ADGRL1: variants seen among roughly 807,000 people sequenced by gnomAD.
The protein encoded by ADGRL1 is CIRL-1.
A neutral mutation model predicts 148.9 loss-of-function variants in ADGRL1; 31 were observed. The observed-to-expected ratio is 0.21, with a 90% CI of 0.16 to 0.28. The LOEUF is 0.28. Among genes scored for constraint, ADGRL1 ranks in the 10% least tolerant of loss-of-function variants. ADGRL1 has a pLI of 1.00. For synonymous variants in ADGRL1, 937 were observed against 900.3 expected, an observed-to-expected ratio of 1.04 and a Z score of -0.73; for missense variants, 1,521 against 2,058.8, an observed-to-expected ratio of 0.74 and a Z score of 5.05.
At chr19:14,189,578 A>G (rs1475294135) in intron 1 of ADGRL1, among the ~76,000 whole-genome samples, 2 of 152,092 alleles carry the variant, frequency 1.3e-5, no homozygotes. Context: ...TCCAAGGCTC[A>G]CCTACGTTCT....
intron 1 of ADGRL1, among the ~76,000 whole-genome samples, chr19:14,188,610 G>T (rs1202704256): frequency 6.6e-6 from 1 of 152,168 alleles, no homozygotes; most frequent in Non-Finnish European, 1.5e-5. Flanking sequence ...CAGTTCAAGA[G>T]TAAGTCTTTG....
intron 4 of ADGRL1, chr19:14,169,142 A>AGGGCGC (rs1970252480): frequency 6.6e-6 from 1 of 152,262 alleles, no homozygotes; most frequent in Non-Finnish European, 1.5e-5. Context: ...TGAACCAGGC[A>AGGGCGC]TGGGTCTGGG....
chr19:14,176,427 C>G (rs537665341), intron 3 of ADGRL1, among the ~76,000 whole-genome samples: 145 of 152,168 alleles, frequency 9.5e-4, no homozygotes, highest in Non-Finnish European at 1.9e-3. Context: ...CAGACACACT[C>G]CAAGTTACAG....
rs1343047885 is a variant in ADGRL1, at chr19:14,163,276, G to T, written c.525C>A (p.Ile175=). ...AGDRIYVMPW[I]PYRTDTLTEY... is the part of the protein sequence containing the mutation. ...CAGTCAGTGTGTCCGTGCGGTAGGG[G>T]ATCCAGGGCATCACGTAGATGCGGT... Residue 175 remains isoleucine, a synonymous_variant, in exon 5 of 23, where the codon ATC becomes ATA. Coordinates refer to ENST00000361434, the MANE Select transcript of ADGRL1 (RefSeq NM_014921.5). The T allele has an allele frequency of 6.2e-7, 1 of 1,613,794 alleles. No homozygotes were observed. Among genetic ancestry groups the T allele is most frequent in the Non-Finnish European group, 8.5e-7 (1 of 1,180,042 alleles).
intron 3 of ADGRL1, among the ~76,000 whole-genome samples, chr19:14,172,784 C>T (rs550357501): frequency 1.3e-5 from 2 of 152,180 alleles, no homozygotes; most frequent in South Asian, 2.1e-4. Context: ...CTGTATGGGG[C>T]GTGTCCATGC....
rs1408540878 is a variant in ADGRL1 at position 14,152,218 on chromosome 19, C to T, written c.3650-68G>A. 2 of 1,614,090 alleles carry T rather than the reference C, an allele frequency of 1.2e-6. No individual in the cohort carries two copies. The highest frequency in any genetic ancestry group is 1.1e-5 in the South Asian group (1 of 91,086). Reference sequence around the variant, plus strand: ...GAGCTCGAAATGCAAGTCCAGGCTCCAGTTCTGGGGCACAGAACATCCCAT... The same window carrying T: ...GAGCTCGAAATGCAAGTCCAGGCTCTAGTTCTGGGGCACAGAACATCCCAT... On this transcript the variant is annotated intron_variant, in intron 21 of 22. Coordinates refer to ENST00000361434, the MANE Select transcript of ADGRL1 (RefSeq NM_014921.5). The surrounding 1 kb of genome is among the most constrained non-coding windows in gnomAD (Gnocchi z 6.1).
intron 1 of ADGRL1, among the ~76,000 whole-genome samples, chr19:14,186,619 G>T (rs557831802): frequency 1.3e-4 from 19 of 151,994 alleles, no homozygotes; most frequent in African/African-American, 4.1e-4. Flanking sequence ...CTCCTTGCCC[G>T]CCTCCCAATC....
chr19:14,191,902 C>T (rs186934815), intron 1 of ADGRL1, among the ~76,000 whole-genome samples: 4 of 152,176 alleles, frequency 2.6e-5, no homozygotes, highest in East Asian at 1.9e-4. Flanking sequence ...CTCGCTATGT[C>T]GCCCAGGCTG....
rs955818367 is a variant in ADGRL1, at chr19:14,162,514, G to A, written c.1195+92C>T. The A allele has an allele frequency of 1.8e-6, 2 of 1,141,296 alleles. No homozygotes were observed. The highest frequency in any genetic ancestry group is 1.5e-5 in the African/African-American group (1 of 65,402). 70.7% of individuals were successfully genotyped at this position (1,141,296 alleles called of 1,614,324 possible). Reference sequence around the variant, plus strand: ...CCTCCCGATCCCCAAGAGCTCACAGGATGGGGCTCCCCACTCTGGGACCCA... The same window carrying A: ...CCTCCCGATCCCCAAGAGCTCACAGAATGGGGCTCCCCACTCTGGGACCCA... On this transcript the variant is annotated intron_variant, in intron 5 of 22. Transcript: ENST00000361434. The surrounding 1 kb of genome is among the most constrained non-coding windows in gnomAD (Gnocchi z 5.4).
In ADGRL1 at chr19:14,179,447, T is replaced by C. The variant is rs376139487; in HGVS notation, c.71-1703A>G. Among the ~76,000 whole-genome samples the C allele has an allele frequency of 1.8e-3, 271 of 151,316 alleles. 1 individual carries two copies. The highest frequency in any genetic ancestry group is 6.3e-3 in the African/African-American group (260 of 41,176). On this transcript the variant is annotated intron_variant, in intron 2 of 22. Transcript: ENST00000361434. Reference sequence around the variant, plus strand: ...AGGCAGGGCTTGCAGTGAGCTGAGATTGCACCACTGCACTACAGCCTGGGC... The same window carrying C: ...AGGCAGGGCTTGCAGTGAGCTGAGACTGCACCACTGCACTACAGCCTGGGC...
chr19:14,148,710 T>C lies in ADGRL1; in HGVS notation c.*2163A>G, dbSNP rs1281830336. On this transcript the variant is annotated 3_prime_UTR_variant, in exon 23 of 23. Transcript: ENST00000361434. The stretch of plus-strand genomic sequence containing the variant: ...TCTTCTGGTGTAATGGGTTAGGCCT[T>C]TCTACCAGAAAAAGCCAGAGTTGGA... The C allele has an allele frequency of 6.5e-6, 1 of 152,684 alleles. No homozygotes were observed. Among genetic ancestry groups the C allele is most frequent in the African/African-American group, 2.4e-5 (1 of 41,448 alleles). The allele number at this position is 152,684 out of a possible 1,614,324, so 9.5% of individuals were successfully genotyped here.
intron 1 of ADGRL1, among the ~76,000 whole-genome samples, chr19:14,184,797 G>A (rs1454400151): frequency 6.6e-6 from 1 of 151,588 alleles, no homozygotes; most frequent in East Asian, 1.9e-4. Context: ...CCACCAACAC[G>A]CCCGGCTAAT....
rs150460592 is a variant in ADGRL1 at position 14,162,799 on chromosome 19, C to T, written c.1002G>A (p.Ala334=). Residue 334 remains alanine, a synonymous_variant, in exon 5 of 23, where the codon GCG becomes GCA. Coordinates refer to ENST00000361434, the MANE Select transcript of ADGRL1 (RefSeq NM_014921.5). This position sits in a 1 kb window ranked among gnomAD's most constrained non-coding sequence, Gnocchi z 5.4. ...AGGCATAGTCCACGCGGTTGCCAGC[C>T]GCCTCGCTGTCATCATCCACGTACA... The part of the protein sequence containing the change: ...RSVYVDDDSE[A]AGNRVDYAFN... 2.2e-5 allele frequency: 35 copies of T among 1,613,886 alleles called. 1 individual carries two copies. The highest frequency in any genetic ancestry group is 1.8e-4 in the South Asian group (16 of 91,066).
chr19:14,172,949 C>T (rs1192619603), intron 3 of ADGRL1, among the ~76,000 whole-genome samples: 1 of 152,168 alleles, frequency 6.6e-6, no homozygotes. Context: ...TCTCACTGTG[C>T]CTAACGTATT....
chr19:14,161,482 G>A lies in ADGRL1; in HGVS notation c.1340C>T (p.Pro447Leu). ...TGGGGCTGTGGCTGGAGGCAGATCA[G>A]GTCCCAGCTGGTTGATGGCACCCAC... The part of the protein sequence containing the change: ...HPVGAINQLG[P>L]DLPPATAPVP... The change falls in exon 6 of 23, where the codon CCT becomes CTT. Residue 447 changes from proline (P) to leucine (L), a missense_variant. This residue lies in a region of ADGRL1 where 270 missense variants were observed against 320.4 expected (regional missense o/e 0.84). Coordinates refer to ENST00000361434, the MANE Select transcript of ADGRL1 (RefSeq NM_014921.5). This position sits in a 1 kb window ranked among gnomAD's most constrained non-coding sequence, Gnocchi z 4.4. 6.9e-7 allele frequency: 1 copy of A among 1,442,860 alleles called. No individual in the cohort carries two copies. Among genetic ancestry groups the A allele is most frequent in the Non-Finnish European group, 9.1e-7 (1 of 1,096,428 alleles). 89.4% of individuals were successfully genotyped at this position (1,442,860 alleles called of 1,614,324 possible).
intron 1 of ADGRL1, among the ~76,000 whole-genome samples, chr19:14,192,094 C>T (rs1971981059): frequency 6.6e-6 from 1 of 152,178 alleles, no homozygotes; most frequent in Non-Finnish European, 1.5e-5. Flanking sequence ...GGCCTACCTC[C>T]AAATACACTC....
intron 2 of ADGRL1, among the ~76,000 whole-genome samples, chr19:14,182,405 T>C (rs1450148333): frequency 2.0e-5 from 3 of 152,052 alleles, no homozygotes; most frequent in Non-Finnish European, 4.4e-5. Flanking sequence ...GATGCCCCAA[T>C]GTGGGGACCG....
chr19:14,185,549 C>A (rs1013812549), intron 1 of ADGRL1, among the ~76,000 whole-genome samples: 3 of 152,168 alleles, frequency 2.0e-5, no homozygotes, highest in African/African-American at 7.2e-5. Flanking sequence ...CCACCTCAGT[C>A]TCCCAAAGTG....
At chr19:14,195,650 G>A (rs1413142294) in intron 1 of ADGRL1, among the ~76,000 whole-genome samples, 1 of 152,144 alleles carries the variant, frequency 6.6e-6, no homozygotes, top group Admixed American at 6.6e-5. Context: ...CAGGCATCCG[G>A]CAGGTCCATA....
Sources: allele counts gnomAD v4.1 joint callset (sites outside exome capture counted in the v4.1 genomes callset), GRCh38; gene constraint gnomAD v4.1.1; regional missense constraint gnomAD v4.1.1; non-coding constraint Gnocchi (gnomAD v3.1); transcripts MANE v1.5; gene names NCBI Gene and HGNC (gene_info 2026-07-23, HGNC 2026-07-21).